TCF7L2: variants seen among roughly 807,000 people sequenced by gnomAD.
The protein encoded by TCF7L2 is transcription factor 7 like 2.
TCF7L2 carries 23 observed loss-of-function variants against 77.9 expected under a neutral mutation model. The ratio of observed to expected loss-of-function variants is 0.30; its 90% CI spans 0.21 to 0.42. TCF7L2 has a LOEUF of 0.42. Ranked by LOEUF, TCF7L2 falls within the 10% of genes least tolerant of loss-of-function variation. The pLI, the probability that TCF7L2 is intolerant of heterozygous loss-of-function variation, is 1.00. For synonymous variants in TCF7L2, 413 were observed against 340.2 expected, an observed-to-expected ratio of 1.21 and a Z score of -2.36; for missense variants, 654 against 793.1, an observed-to-expected ratio of 0.82 and a Z score of 2.11.
intron 4 of TCF7L2, among the ~76,000 whole-genome samples, chr10:113,028,981 T>A (rs564097242): frequency 2.6e-5 from 4 of 152,326 alleles, no homozygotes; most frequent in East Asian, 1.9e-4. Context: ...AAATCCCCTG[T>A]GTAGTGGGAA....
chr10:113,046,239 T>TGACCTCAGTTGTAGCCCCTGCATGTTGGA (rs2053429318), intron 5 of TCF7L2, among the ~76,000 whole-genome samples: 1 of 152,216 alleles, frequency 6.6e-6, no homozygotes, highest in Non-Finnish European at 1.5e-5. Flanking sequence ...AAGGATTGTG[T>TGACCTCAGTTGTAGCCCCTGCATGTTGGA]GACCTCAGTT....
chr10:113,042,323 A>G (rs1446166777), intron 5 of TCF7L2, among the ~76,000 whole-genome samples: 1 of 152,016 alleles, frequency 6.6e-6, no homozygotes, highest in Admixed American at 6.5e-5. Context: ...GTAGATGGAG[A>G]CCTTTGTCCA....
chr10:112,979,765 T>TAA (rs75186647), intron 4 of TCF7L2, among the ~76,000 whole-genome samples: 8 of 137,242 alleles, frequency 5.8e-5, no homozygotes, highest in Non-Finnish European at 8.1e-5. Context: ...CAAAAAAAAA[T>TAA]AAAAAAAATA....
intron 4 of TCF7L2, among the ~76,000 whole-genome samples, chr10:113,029,636 C>T (rs184152480): frequency 4.6e-5 from 7 of 151,636 alleles, no homozygotes; most frequent in East Asian, 3.9e-4. Flanking sequence ...AAGCGATTCT[C>T]CTGTCTCAGC....
chr10:113,078,261 C>T (rs1372726675), intron 5 of TCF7L2, among the ~76,000 whole-genome samples: 1 of 152,036 alleles, frequency 6.6e-6, no homozygotes, highest in Non-Finnish European at 1.5e-5. Context: ...ATGAGCGGTC[C>T]ACACAGTTCA....
At chr10:112,964,745 G>GTGGTGGTGGTGGTGA (rs2036161884) in intron 4 of TCF7L2, 121 bp downstream of exon 4, 28 of 730,964 alleles carry the variant, frequency 3.8e-5, no homozygotes, top group South Asian at 1.2e-4. Context: ...GATGATGGTG[G>GTGGTGGTGGTGGTGA]TGGTGGTGGT....
At chr10:113,008,779 C>T (rs1052298003) in intron 4 of TCF7L2, among the ~76,000 whole-genome samples, 2 of 152,120 alleles carry the variant, frequency 1.3e-5, no homozygotes, top group African/African-American at 2.4e-5. Context: ...CTTCCTTTCC[C>T]TCCTTTAGTG....
chr10:113,129,029 A>G (rs2066122750), intron 5 of TCF7L2, among the ~76,000 whole-genome samples: 7 of 152,142 alleles, frequency 4.6e-5, no homozygotes, highest in Admixed American at 4.6e-4. Context: ...CATTCTGACT[A>G]TTGGAATACT....
chr10:113,064,193 A>G (rs972809299), intron 5 of TCF7L2, among the ~76,000 whole-genome samples: 1 of 152,050 alleles, frequency 6.6e-6, no homozygotes, highest in Non-Finnish European at 1.5e-5. Flanking sequence ...TGAGGTGTTT[A>G]TTCTTTCACT....
intron 5 of TCF7L2, among the ~76,000 whole-genome samples, chr10:113,120,167 C>T (rs933280945): frequency 1.5e-4 from 23 of 152,198 alleles, no homozygotes; most frequent in African/African-American, 5.1e-4. Flanking sequence ...GTTTCATGAA[C>T]TTAAAAGTTC....
Position 113,048,078 on chromosome 10 carries a change from G to A in TCF7L2, c.552+7952G>A, listed in dbSNP as rs143656830. On this transcript the variant is annotated intron_variant, in intron 5 of 13. Transcript: ENST00000627217. Reference sequence around the variant, plus strand: ...GGGCTTGGAGGCCTTCCCTAGAGTGGGGCTTCCTAACACTGCAGAGCTCTT... The same window carrying A: ...GGGCTTGGAGGCCTTCCCTAGAGTGAGGCTTCCTAACACTGCAGAGCTCTT... Among the ~76,000 whole-genome samples, 351 of 152,230 alleles carry A rather than the reference G, an allele frequency of 2.3e-3. 4 individuals carry two copies. The highest frequency in any genetic ancestry group is 7.9e-3 in the African/African-American group (329 of 41,536).
At chr10:112,989,423 T>G (rs546265317) in intron 4 of TCF7L2, among the ~76,000 whole-genome samples, 1 of 152,100 alleles carries the variant, frequency 6.6e-6, no homozygotes, top group South Asian at 2.1e-4. Flanking sequence ...GTTTCTTCTA[T>G]GTCCTAGAAA....
At chr10:112,971,116 C>A (rs1238091816) in intron 4 of TCF7L2, among the ~76,000 whole-genome samples, 1 of 152,144 alleles carries the variant, frequency 6.6e-6, no homozygotes, top group Non-Finnish European at 1.5e-5. Context: ...GTGTGCCAGG[C>A]CACTGGAGAA....
At chr10:113,124,894 C>G (rs760074097) in intron 5 of TCF7L2, among the ~76,000 whole-genome samples, 2 of 152,090 alleles carry the variant, frequency 1.3e-5, no homozygotes, top group Admixed American at 6.6e-5. Context: ...AGCGGGCACT[C>G]TTTCCGAATG....
rs182771291 is a variant in TCF7L2 at position 112,979,407 on chromosome 10, T to G, written c.450+14783T>G. Among the ~76,000 whole-genome samples, 351 of 152,260 alleles carry G rather than the reference T, an allele frequency of 2.3e-3. 1 individual carries two copies. Among genetic ancestry groups the G allele is most frequent in the Non-Finnish European group, 3.3e-3 (224 of 68,022 alleles). ...TATCCCAGAGTCAAATTCGTTAGGA[T>G]TTTATACCACTTTCTGGCGTTCTCC... On this transcript the variant is annotated intron_variant, in intron 4 of 13. Coordinates refer to ENST00000627217, the MANE Select transcript of TCF7L2 (RefSeq NM_001146274.2).
At chr10:112,976,955 G>C (rs1345791150) in intron 4 of TCF7L2, among the ~76,000 whole-genome samples, 1 of 150,328 alleles carries the variant, frequency 6.7e-6, no homozygotes, top group Non-Finnish European at 1.5e-5. Flanking sequence ...AGGTTAGTTG[G>C]CTTTTAAAAG....
At chr10:112,995,272 G>A (rs940669624) in intron 4 of TCF7L2, among the ~76,000 whole-genome samples, 1 of 152,180 alleles carries the variant, frequency 6.6e-6, no homozygotes, top group East Asian at 1.9e-4. Context: ...TCTCCCAGTA[G>A]GCAAAGTTCG....
At chr10:113,093,258 A>G (rs1395290135) in intron 5 of TCF7L2, among the ~76,000 whole-genome samples, 1 of 152,160 alleles carries the variant, frequency 6.6e-6, no homozygotes, top group Non-Finnish European at 1.5e-5. Context: ...CCCATTTTGC[A>G]ATTAAGGTAA....
chr10:113,154,527 C>A (rs1313965300), intron 11 of TCF7L2, among the ~76,000 whole-genome samples: 2 of 152,102 alleles, frequency 1.3e-5, no homozygotes, highest in East Asian at 3.9e-4. Context: ...ACACTGGGGT[C>A]TATGTGAATG....
Sources: gnomAD v4.1 joint callset for allele counts (sites outside exome capture counted in the v4.1 genomes callset) on GRCh38, gnomAD v4.1.1 for gene constraint, MANE v1.5 for transcripts, NCBI Gene and HGNC (gene_info 2026-07-23, HGNC 2026-07-21) for gene names.